Variants in RALYL observed in about 807,000 individuals in gnomAD.
The protein encoded by RALYL is RNA-binding Raly-like protein.
Under a neutral mutation model 35.1 loss-of-function variants are expected in RALYL, and 29 were observed. That is an observed-to-expected ratio of 0.83 (90% CI 0.61 to 1.13). RALYL has a LOEUF of 1.13. Ranked by LOEUF, RALYL falls within the 50% of genes most tolerant of loss-of-function variation. The pLI, the probability that RALYL is intolerant of heterozygous loss-of-function variation, is 0.00. For synonymous variants in RALYL, 120 were observed against 127.6 expected (o/e 0.94, Z 0.40); for missense variants, 359 against 360.4 (o/e 1.00, Z 0.03).
At chr8:84,634,333 G>A (rs1432299505) in intron 2 of RALYL, among the ~76,000 whole-genome samples, 1 of 151,744 alleles carries the variant, frequency 6.6e-6, no homozygotes, top group African/African-American at 2.4e-5. Context: ...TCAAAGGCCT[G>A]TGCTCTGCAT....
At chr8:84,734,245 C>T (rs6986632) in intron 2 of RALYL, among the ~76,000 whole-genome samples, 34,878 of 151,896 alleles carry the variant, frequency 0.23, 4,228 homozygotes, top group Non-Finnish European at 0.25. Context: ...CTTTGACAAG[C>T]TAATTTAATA....
chr8:84,237,128 C>T (rs903377322), intron 1 of RALYL, among the ~76,000 whole-genome samples: 5 of 152,186 alleles, frequency 3.3e-5, no homozygotes, highest in Non-Finnish European at 5.9e-5. Flanking sequence ...TTTTAAGATA[C>T]TTCTTAATGG....
At chr8:84,681,295 G>A (rs918513633) in intron 2 of RALYL, among the ~76,000 whole-genome samples, 6 of 152,160 alleles carry the variant, frequency 3.9e-5, no homozygotes, top group Non-Finnish European at 7.3e-5. Flanking sequence ...GATGTCTCCA[G>A]CTTTGCTCTT....
chr8:84,248,306 T>A (rs1234490988), intron 1 of RALYL, among the ~76,000 whole-genome samples: 1 of 152,088 alleles, frequency 6.6e-6, no homozygotes, highest in Non-Finnish European at 1.5e-5. Context: ...TAAATAGAAG[T>A]AAAGATTAGT....
rs1159056452 is a variant in RALYL, at chr8:84,846,597, CT to C, written c.366-3377del. 2.6e-5 allele frequency among the ~76,000 whole-genome samples: 4 copies of C among 152,206 alleles called. No homozygotes were observed. The East Asian group carries it at 7.7e-4, about 29-fold the overall frequency. ...AGTTTCAGTTGGATTGGTAACAACT[CT>C]TTTTTATTTGTCTGGTAGAATTCAG... On this transcript the variant is annotated intron_variant, in intron 4 of 8. Coordinates refer to ENST00000521268, the MANE Select transcript of RALYL (RefSeq NM_173848.7).
chr8:84,710,600 C>T (rs1299830469), intron 2 of RALYL, among the ~76,000 whole-genome samples: 1 of 152,088 alleles, frequency 6.6e-6, no homozygotes, highest in Non-Finnish European at 1.5e-5. Context: ...CTGCACTCGG[C>T]CTCAGTTCAT....
chr8:84,425,514 G>A (rs9772951), intron 1 of RALYL, among the ~76,000 whole-genome samples: 2,551 of 152,238 alleles, frequency 0.017, 70 homozygotes, highest in African/African-American at 0.058. Context: ...CGTCTTCTGC[G>A]TCGCTCACGC....
At chr8:84,449,380 T>A (rs1357263587) in intron 1 of RALYL, among the ~76,000 whole-genome samples, 1 of 151,998 alleles carries the variant, frequency 6.6e-6, no homozygotes, top group African/African-American at 2.4e-5. Flanking sequence ...AAGCACAGGA[T>A]CCTCCTTGAG....
chr8:84,580,816 A>G (rs1810652949), intron 2 of RALYL, among the ~76,000 whole-genome samples: 1 of 152,152 alleles, frequency 6.6e-6, no homozygotes. Context: ...CCATTTTATT[A>G]TGCTCATAAA....
At chr8:84,756,779 G>GTTT (rs397969558) in intron 2 of RALYL, among the ~76,000 whole-genome samples, 3 of 146,898 alleles carry the variant, frequency 2.0e-5, no homozygotes, top group Admixed American at 6.8e-5. Context: ...TGTAAAAGGT[G>GTTT]TTTTTTTTTT....
At chr8:84,705,151 A>C (rs1041192082) in intron 2 of RALYL, among the ~76,000 whole-genome samples, 3 of 152,192 alleles carry the variant, frequency 2.0e-5, no homozygotes, top group African/African-American at 7.2e-5. Flanking sequence ...GCTGAATGCC[A>C]GGCATTGCTC....
intron 1 of RALYL, among the ~76,000 whole-genome samples, chr8:84,222,448 A>G (rs1586301758): frequency 1.3e-5 from 2 of 152,170 alleles, no homozygotes; most frequent in South Asian, 4.1e-4. Context: ...GGTGGATGCC[A>G]TAACAGAAGT....
intron 2 of RALYL, among the ~76,000 whole-genome samples, chr8:84,641,714 G>A (rs549617043): frequency 2.7e-5 from 4 of 149,164 alleles, no homozygotes; most frequent in East Asian, 2.0e-4. Context: ...ACTTAAGCAC[G>A]TGTGTATTTT....
chr8:84,714,754 G>T (rs936951703), intron 2 of RALYL, among the ~76,000 whole-genome samples: 9 of 151,924 alleles, frequency 5.9e-5, no homozygotes, highest in African/African-American at 2.2e-4. Flanking sequence ...GTAAGTCAAT[G>T]GTTAAATCTA....
chr8:84,297,259 A>G (rs1244818572), intron 1 of RALYL, among the ~76,000 whole-genome samples: 2 of 151,832 alleles, frequency 1.3e-5, no homozygotes, highest in African/African-American at 4.8e-5. Context: ...CTTTGTATCC[A>G]TATGTACTCA....
intron 1 of RALYL, among the ~76,000 whole-genome samples, chr8:84,295,797 CATTCT>C (rs1475153269): frequency 1.3e-5 from 2 of 152,124 alleles, no homozygotes; most frequent in Non-Finnish European, 2.9e-5. Flanking sequence ...TTTTGCACTG[CATTCT>C]ATTTCCTAGT....
intron 1 of RALYL, among the ~76,000 whole-genome samples, chr8:84,253,755 T>C (rs1830694422): frequency 6.6e-6 from 1 of 152,130 alleles, no homozygotes; most frequent in Non-Finnish European, 1.5e-5. Context: ...TCTGTCTGTC[T>C]AGGTAGAGTA....
intron 2 of RALYL, among the ~76,000 whole-genome samples, chr8:84,730,167 A>G (rs1424483065): frequency 6.6e-6 from 1 of 152,090 alleles, no homozygotes; most frequent in African/African-American, 2.4e-5. Context: ...CCAGCAGCAC[A>G]TCAAAAAGCT....
chr8:84,303,574 A>G (rs1213303289), intron 1 of RALYL, among the ~76,000 whole-genome samples: 1 of 152,162 alleles, frequency 6.6e-6, no homozygotes, highest in Non-Finnish European at 1.5e-5. Context: ...AGATGTAGGT[A>G]TTTAGGAGTC....
Sources: gnomAD v4.1 joint callset for allele counts (sites outside exome capture counted in the v4.1 genomes callset) on GRCh38, gnomAD v4.1.1 for gene constraint, MANE v1.5 for transcripts, NCBI Gene and HGNC (gene_info 2026-07-23, HGNC 2026-07-21) for gene names.